AGGF1: variants seen among roughly 807,000 people sequenced by gnomAD.
The protein encoded by AGGF1 is angiogenic factor with G-patch and FHA domains 1.
In AGGF1, 56 loss-of-function variants were observed where a neutral mutation model predicts 86.5. That is an observed-to-expected ratio of 0.65 (90% CI 0.52 to 0.81). The LOEUF (loss-of-function observed/expected upper bound fraction) is 0.81. Among genes scored for constraint, AGGF1 ranks in the 30% least tolerant of loss-of-function variants. AGGF1 has a pLI of 0.00. For missense variants in AGGF1, 816 were observed against 850.9 expected (o/e 0.96, Z 0.51); for synonymous variants, 313 against 297.1 (o/e 1.05, Z -0.55).
chr5:77,050,186 T>C (rs1747344409), intron 8 of AGGF1, among the ~76,000 whole-genome samples: 1 of 151,670 alleles, frequency 6.6e-6, no homozygotes, highest in Non-Finnish European at 1.5e-5. Flanking sequence ...GTCTCCTGCC[T>C]CCAAAAAAAT....
Position 77,063,510 on chromosome 5 carries a change from T to C in AGGF1, c.*258T>C, listed in dbSNP as rs1666260877. Reference sequence around the variant, plus strand: ...TTTATCAAACTTCGTTATTTTATCTTGTCATTTACAACATCCATATAAGCA... The same window carrying C: ...TTTATCAAACTTCGTTATTTTATCTCGTCATTTACAACATCCATATAAGCA... On this transcript the variant is annotated 3_prime_UTR_variant, in exon 14 of 14. Transcript: ENST00000312916. The C allele has an allele frequency of 6.6e-6, 3 of 456,846 alleles. No individual in the cohort carries two copies. Among genetic ancestry groups the C allele is most frequent in the South Asian group, 2.4e-5 (1 of 41,508 alleles). 28.3% of individuals were successfully genotyped at this position (456,846 alleles called of 1,614,324 possible).
intron 8 of AGGF1, among the ~76,000 whole-genome samples, chr5:77,051,456 G>T (rs578131129): frequency 2.6e-5 from 4 of 151,718 alleles, no homozygotes; most frequent in South Asian, 2.1e-4. Context: ...AAGAGTTTTG[G>T]TAGTAATCCA....
chr5:77,047,871 A>G (rs1181748754), intron 6 of AGGF1, among the ~76,000 whole-genome samples: 2 of 151,420 alleles, frequency 1.3e-5, no homozygotes, highest in Admixed American at 6.6e-5. Context: ...ATAATATAAA[A>G]ATATTTGGGA....
intron 5 of AGGF1, among the ~76,000 whole-genome samples, chr5:77,042,126 G>A (rs1443590048): frequency 6.6e-6 from 1 of 151,870 alleles, no homozygotes; most frequent in African/African-American, 2.4e-5. Flanking sequence ...CACAGGGTTG[G>A]GGGTAAGGTC....
At chr5:77,059,229 G>T (rs9293702) in intron 11 of AGGF1, among the ~76,000 whole-genome samples, 1 of 151,972 alleles carries the variant, frequency 6.6e-6, no homozygotes, top group Admixed American at 6.6e-5. Context: ...TTTTCACCAT[G>T]TCATCTTCTT....
chr5:77,041,691 G>C (rs964086171), intron 5 of AGGF1, among the ~76,000 whole-genome samples: 1 of 150,796 alleles, frequency 6.6e-6, no homozygotes, highest in Non-Finnish European at 1.5e-5. Flanking sequence ...GACATGGAAA[G>C]CATTCTGTGA....
At position 77,046,375 on chromosome 5, in the gene AGGF1, T is replaced by A. The variant is rs1446623202; in HGVS notation, c.899T>A (p.Phe300Tyr). 2 of 1,613,666 alleles carry A rather than the reference T, an allele frequency of 1.2e-6. No individual in the cohort carries two copies. The highest frequency in any genetic ancestry group is 1.7e-6 in the Non-Finnish European group (2 of 1,179,976). ...TTGAACTCAGAGGATCAAAAAGCCT[T>A]CAGTGTTGAACATACAAGCTGCAAT... ...KDLNSEDQKAFSVEHTSCNEE... is the reference protein window; with the variant it reads ...KDLNSEDQKAYSVEHTSCNEE... Residue 300 changes from phenylalanine (F) to tyrosine (Y), a missense_variant, in exon 6 of 14, where the codon TTC becomes TAC. This residue lies in a region of AGGF1 where 565 missense variants were observed against 585.8 expected (regional missense o/e 0.96). Transcript: ENST00000312916.
At chr5:77,058,673 G>A (rs190019876) in intron 11 of AGGF1, among the ~76,000 whole-genome samples, 3 of 152,120 alleles carry the variant, frequency 2.0e-5, no homozygotes, top group East Asian at 1.9e-4. Context: ...AGCTTCTGTC[G>A]TACCTTCCTT....
Position 77,045,427 on chromosome 5 carries a change from A to C in AGGF1, c.871-920A>C, listed in dbSNP as rs138898318. Among the ~76,000 whole-genome samples, 67 of 152,060 alleles carry C rather than the reference A, an allele frequency of 4.4e-4. 1 individual carries two copies. Among genetic ancestry groups the C allele is most frequent in the African/African-American group, 1.5e-3 (64 of 41,562 alleles). On this transcript the variant is annotated intron_variant, in intron 5 of 13. Coordinates refer to ENST00000312916, the MANE Select transcript of AGGF1 (RefSeq NM_018046.5). Reference sequence around the variant, plus strand: ...CGTATTTCAAAACTTCATGTTGTACATGATAAAAATACATCATTTTTGTTA... The same window carrying C: ...CGTATTTCAAAACTTCATGTTGTACCTGATAAAAATACATCATTTTTGTTA...
At chr5:77,041,566 C>CAAAAAAAA (rs1232718165) in intron 5 of AGGF1, among the ~76,000 whole-genome samples, 2 of 70,400 alleles carry the variant, frequency 2.8e-5, no homozygotes, top group Non-Finnish European at 5.2e-5. Flanking sequence ...GACTCCATCT[C>CAAAAAAAA]AAAAAAAAAA....
chr5:77,042,628 G>A (rs1183943317), intron 5 of AGGF1, among the ~76,000 whole-genome samples: 1 of 49,698 alleles, frequency 2.0e-5, no homozygotes, highest in African/African-American at 6.0e-5. Flanking sequence ...CTGGCCGGGC[G>A]GGGGGCTGAC....
chr5:77,056,796 A>G (rs147441835), intron 11 of AGGF1, among the ~76,000 whole-genome samples: 1 of 152,326 alleles, frequency 6.6e-6, no homozygotes, highest in East Asian at 1.9e-4. Flanking sequence ...ATGTTTTTCT[A>G]AAGACACTAT....
chr5:77,034,637 G>A (rs1467143927), intron 2 of AGGF1, 117 bp downstream of exon 2: 3 of 757,312 alleles, frequency 4.0e-6, no homozygotes, highest in Non-Finnish European at 7.1e-6. Flanking sequence ...TGTTAATACT[G>A]TTGACGTCTC....
intron 12 of AGGF1, among the ~76,000 whole-genome samples, chr5:77,061,245 C>A (rs2150735962): frequency 6.6e-6 from 1 of 152,312 alleles, no homozygotes; most frequent in South Asian, 2.1e-4. Flanking sequence ...CTGCTGTCCT[C>A]CCGAAAGGTA....
At chr5:77,040,927 A>G (rs1747065834) in intron 5 of AGGF1, among the ~76,000 whole-genome samples, 3 of 152,102 alleles carry the variant, frequency 2.0e-5, no homozygotes, top group Admixed American at 1.3e-4. Flanking sequence ...CAGTGGTGCC[A>G]TCATGGCTCA....
chr5:77,050,252 C>T lies in AGGF1; in HGVS notation c.1365+1265C>T, dbSNP rs577449312. ...CAAAGCGATCTGAGATCCTTCCCCA[C>T]CTCCAGTCTAAACCATAGATAGTTC... On this transcript the variant is annotated intron_variant, in intron 8 of 13. Coordinates refer to ENST00000312916, the MANE Select transcript of AGGF1 (RefSeq NM_018046.5). Among the ~76,000 whole-genome samples, 8 of 151,546 alleles carry T rather than the reference C, an allele frequency of 5.3e-5. No homozygotes were observed. The South Asian group carries it at 1.5e-3, about 28-fold the overall frequency.
chr5:77,039,848 A>G (rs1164775668), intron 5 of AGGF1, 129 bp downstream of exon 5: 1 of 778,220 alleles, frequency 1.3e-6, no homozygotes, highest in Non-Finnish European at 2.0e-6. Context: ...ATAACCTAGG[A>G]AAGTTTAGAT....
At chr5:77,057,441 C>T (rs894543509) in intron 11 of AGGF1, among the ~76,000 whole-genome samples, 2 of 152,090 alleles carry the variant, frequency 1.3e-5, no homozygotes, top group African/African-American at 2.4e-5. Context: ...GTAATATAGG[C>T]CACAACCTGG....
At chr5:77,041,617 C>G (rs895981006) in intron 5 of AGGF1, among the ~76,000 whole-genome samples, 2 of 150,734 alleles carry the variant, frequency 1.3e-5, no homozygotes, top group Non-Finnish European at 3.0e-5. Context: ...AGCACCTCTC[C>G]CTAACAATAG....
Sources: allele counts gnomAD v4.1 joint callset (sites outside exome capture counted in the v4.1 genomes callset), GRCh38; gene constraint gnomAD v4.1.1; regional missense constraint gnomAD v4.1.1; transcripts MANE v1.5; gene names NCBI Gene and HGNC (gene_info 2026-07-23, HGNC 2026-07-21).